Variants in KANSL1L observed in about 807,000 individuals in gnomAD.
KANSL1L encodes the protein KAT8 regulatory NSL complex subunit 1-like protein.
In KANSL1L, 25 loss-of-function variants were observed where a neutral mutation model predicts 108.6. That is an observed-to-expected ratio of 0.23 (90% CI 0.17 to 0.32). The LOEUF (loss-of-function observed/expected upper bound fraction) is 0.32. KANSL1L is among the 10% of genes least tolerant of loss of function. The probability of loss-of-function intolerance (pLI) is 1.00; values close to 1 mark genes in which losing one functional copy is unlikely to be tolerated. For synonymous variants in KANSL1L, 405 were observed against 395.1 expected, an observed-to-expected ratio of 1.03 and a Z score of -0.30; for missense variants, 1,137 against 1,125.7, an observed-to-expected ratio of 1.01 and a Z score of -0.14.
At chr2:210,077,970 T>G (rs1237338276) in intron 5 of KANSL1L, among the ~76,000 whole-genome samples, 1 of 152,232 alleles carries the variant, frequency 6.6e-6, no homozygotes, top group African/African-American at 2.4e-5. Flanking sequence ...GGATACCTTC[T>G]GAGAAATGCA....
intron 2 of KANSL1L, among the ~76,000 whole-genome samples, chr2:210,145,440 G>GT (rs2095258658): frequency 6.6e-6 from 1 of 152,204 alleles, no homozygotes; most frequent in African/African-American, 2.4e-5. Context: ...TGTGCAAGAT[G>GT]TGACTGCTTT....
chr2:210,145,734 A>G (rs2110314), intron 2 of KANSL1L, among the ~76,000 whole-genome samples: 152,164 of 152,348 alleles, frequency 1, 75,990 homozygotes, highest in Middle Eastern at 1. Flanking sequence ...TTGAAAGAGT[A>G]GCAATGCAGC....
chr2:210,103,881 C>A, intron 4 of KANSL1L: 3 of 240,596 alleles, frequency 1.2e-5, no homozygotes, highest in Non-Finnish European at 2.3e-5. Context: ...ATAGCCATAC[C>A]AATTCCATTA....
rs769100918 is a variant in KANSL1L, at chr2:210,023,125, A to G, written c.2788T>C (p.Leu930=). Residue 930 remains leucine, a synonymous_variant, in exon 15 of 15, where the codon TTA becomes CTA. Coordinates refer to ENST00000281772, the MANE Select transcript of KANSL1L (RefSeq NM_152519.4). ...FPLKGEDMAA[L]LCQDEKKDQV... Reference sequence around the variant, plus strand: ...TCCTTTTTTTCATCTTGACATAATAAGGCTGCCATGTCTTCACCCTTCAGT... The same window carrying G: ...TCCTTTTTTTCATCTTGACATAATAGGGCTGCCATGTCTTCACCCTTCAGT... The G allele has an allele frequency of 6.2e-6, 10 of 1,614,050 alleles. No homozygotes were observed. The highest frequency in any genetic ancestry group is 8.5e-6 in the Non-Finnish European group (10 of 1,179,956).
chr2:210,092,759 C>G (rs1381193748), intron 5 of KANSL1L, among the ~76,000 whole-genome samples: 1 of 152,074 alleles, frequency 6.6e-6, no homozygotes, highest in Non-Finnish European at 1.5e-5. Context: ...GAGGATTTCC[C>G]TAGGCTAAAA....
intron 2 of KANSL1L, among the ~76,000 whole-genome samples, chr2:210,138,740 T>A (rs2095198962): frequency 6.6e-6 from 1 of 152,154 alleles, no homozygotes; most frequent in East Asian, 1.9e-4. Context: ...TCTCATATAC[T>A]TTTTCTATGG....
chr2:210,135,924 A>G (rs2095169907), intron 2 of KANSL1L, among the ~76,000 whole-genome samples: 1 of 152,148 alleles, frequency 6.6e-6, no homozygotes, highest in Non-Finnish European at 1.5e-5. Context: ...ATACTCTATC[A>G]TCAAGTTGTA....
intron 6 of KANSL1L, among the ~76,000 whole-genome samples, chr2:210,056,162 A>C (rs2094348156): frequency 6.6e-6 from 1 of 152,242 alleles, no homozygotes; most frequent in Non-Finnish European, 1.5e-5. Context: ...CAGAGGGTGC[A>C]AGCCCTAAGC....
chr2:210,072,218 T>G (rs2094512810), intron 6 of KANSL1L, among the ~76,000 whole-genome samples: 1 of 152,240 alleles, frequency 6.6e-6, no homozygotes, highest in African/African-American at 2.4e-5. Flanking sequence ...TTTCATGACA[T>G]TGACATTTTT....
intron 8 of KANSL1L, among the ~76,000 whole-genome samples, chr2:210,038,458 T>C (rs898258894): frequency 1.3e-5 from 2 of 152,058 alleles, no homozygotes; most frequent in Non-Finnish European, 2.9e-5. Context: ...TGTGCCAAAA[T>C]TGATGATTAT....
chr2:210,141,592 TTC>T (rs2095229908), intron 2 of KANSL1L, among the ~76,000 whole-genome samples: 1 of 152,060 alleles, frequency 6.6e-6, no homozygotes, highest in South Asian at 2.1e-4. Flanking sequence ...GTAAAATAAT[TTC>T]TGTTGTTAAT....
intron 2 of KANSL1L, among the ~76,000 whole-genome samples, chr2:210,129,547 AAGTACC>A (rs921019737): frequency 6.6e-6 from 1 of 152,224 alleles, no homozygotes; most frequent in African/African-American, 2.4e-5. Context: ...AGTAGATGTC[AAGTACC>A]AGACAATCCA....
chr2:210,135,474 A>G (rs2095165469), intron 2 of KANSL1L, among the ~76,000 whole-genome samples: 1 of 152,122 alleles, frequency 6.6e-6, no homozygotes, highest in South Asian at 2.1e-4. Context: ...TCCCAGCCTT[A>G]CTTGCAGTTA....
chr2:210,107,856 A>T (rs550897217), intron 3 of KANSL1L, among the ~76,000 whole-genome samples: 3 of 152,116 alleles, frequency 2.0e-5, no homozygotes, highest in African/African-American at 7.2e-5. Flanking sequence ...ATTTAAGCAA[A>T]GTTTAGACCA....
chr2:210,079,644 A>ATATATATATATATGTGTG (rs1559539651), intron 5 of KANSL1L, among the ~76,000 whole-genome samples: 7 of 8,982 alleles, frequency 7.8e-4, no homozygotes, highest in Non-Finnish European at 1.7e-3. Flanking sequence ...ATATATATAT[A>ATATATATATATATGTGTG]TATATATATA....
At chr2:210,110,144 C>A (rs1017271469) in intron 3 of KANSL1L, among the ~76,000 whole-genome samples, 2 of 151,800 alleles carry the variant, frequency 1.3e-5, no homozygotes, top group Admixed American at 1.3e-4. Context: ...ACCCCTATAC[C>A]TACCTACATA....
intron 3 of KANSL1L, among the ~76,000 whole-genome samples, chr2:210,109,311 G>T (rs548830214): frequency 2.0e-5 from 3 of 152,016 alleles, no homozygotes; most frequent in South Asian, 2.1e-4. Flanking sequence ...ATTAATCTTT[G>T]TGGATGTGCA....
At chr2:210,043,862 T>C in intron 7 of KANSL1L, 77 bp downstream of exon 7, 1 of 972,150 alleles carries the variant, frequency 1.0e-6, no homozygotes, top group Non-Finnish European at 1.5e-6. Context: ...TAAGATTTAT[T>C]AGATTCTCTG....
intron 2 of KANSL1L, among the ~76,000 whole-genome samples, chr2:210,136,598 T>C (rs559454020): frequency 1.3e-5 from 2 of 152,258 alleles, no homozygotes; most frequent in South Asian, 2.1e-4. Context: ...CAGGCAACCA[T>C]GTAATGTTTT....
Sources: gnomAD v4.1 joint callset for allele counts (sites outside exome capture counted in the v4.1 genomes callset) on GRCh38, gnomAD v4.1.1 for gene constraint, MANE v1.5 for transcripts, NCBI Gene and HGNC (gene_info 2026-07-23, HGNC 2026-07-21) for gene names.